Variants in ASIC2 observed in about 807,000 individuals in gnomAD.
ASIC2 encodes acid-sensing ion channel 2.
In ASIC2, 25 loss-of-function variants were observed where a neutral mutation model predicts 57.3. The observed-to-expected ratio is 0.44, with a 90% CI of 0.32 to 0.61. ASIC2 has a LOEUF of 0.61. ASIC2 is among the 20% of genes least tolerant of loss of function. ASIC2 has a pLI of 0.06. For synonymous variants in ASIC2, 319 were observed against 307.5 expected (o/e 1.04, Z -0.39); for missense variants, 641 against 738.1 (o/e 0.87, Z 1.52).
At chr17:34,117,555 A>G (rs1598035057) in intron 1 of ASIC2, among the ~76,000 whole-genome samples, 1 of 152,190 alleles carries the variant, frequency 6.6e-6, no homozygotes, top group East Asian at 1.9e-4. Flanking sequence ...GAGGTAACCT[A>G]GGGAACCTGG....
intron 1 of ASIC2, among the ~76,000 whole-genome samples, chr17:33,954,310 A>T (rs12951920): frequency 1.3e-5 from 2 of 151,792 alleles, no homozygotes; most frequent in Admixed American, 6.6e-5. Context: ...GGTATCTGTG[A>T]CCCAATCACC....
At chr17:33,661,888 A>G (rs1380133707) in intron 1 of ASIC2, among the ~76,000 whole-genome samples, 2 of 152,160 alleles carry the variant, frequency 1.3e-5, no homozygotes, top group African/African-American at 2.4e-5. Flanking sequence ...TTACCTTGGT[A>G]TCTATTCATC....
At chr17:33,247,882 T>C (rs570307830) in intron 1 of ASIC2, among the ~76,000 whole-genome samples, 55 of 152,376 alleles carry the variant, frequency 3.6e-4, no homozygotes, top group Non-Finnish European at 7.5e-4. Flanking sequence ...GACAGAGGTC[T>C]TTGTGTCTCA....
chr17:33,017,889 G>A lies in ASIC2; in HGVS notation c.1442-205C>T, dbSNP rs373262422. On this transcript the variant is annotated intron_variant, in intron 7 of 9. Coordinates refer to ENST00000225823, the MANE Select transcript of ASIC2 (RefSeq NM_183377.2). ...CCATTTTTCAGCATTCAGTGGGGTC[G>A]GGGACTAAGCTGATGGCTTATTGGA... 8.5e-5 allele frequency among the ~76,000 whole-genome samples: 13 copies of A among 152,320 alleles called. No individual in the cohort carries two copies. The East Asian group carries it at 9.7e-4, about 11-fold the overall frequency.
At chr17:33,740,458 A>G (rs959216445) in intron 1 of ASIC2, among the ~76,000 whole-genome samples, 1 of 152,194 alleles carries the variant, frequency 6.6e-6, no homozygotes, top group African/African-American at 2.4e-5. Flanking sequence ...CTCTTATAAA[A>G]CTGTCAGATC....
At chr17:33,316,186 T>C (rs1007716337) in intron 1 of ASIC2, among the ~76,000 whole-genome samples, 1 of 152,216 alleles carries the variant, frequency 6.6e-6, no homozygotes, top group African/African-American at 2.4e-5. Context: ...TATGTTTAGT[T>C]TCATACTCTC....
At chr17:33,876,771 C>G (rs444727) in intron 1 of ASIC2, among the ~76,000 whole-genome samples, 39,106 of 152,082 alleles carry the variant, frequency 0.26, 5,206 homozygotes, top group Middle Eastern at 0.37. Flanking sequence ...ATCTAAAGGA[C>G]AGATGATATC....
chr17:33,578,328 C>A (rs1056422104), intron 1 of ASIC2, among the ~76,000 whole-genome samples: 6 of 152,158 alleles, frequency 3.9e-5, no homozygotes, highest in Non-Finnish European at 4.4e-5. Context: ...GGTAGTAACT[C>A]AAGCTGACAT....
intron 1 of ASIC2, among the ~76,000 whole-genome samples, chr17:33,146,822 C>A (rs1904581603): frequency 2.0e-5 from 3 of 152,236 alleles, no homozygotes; most frequent in African/African-American, 7.2e-5. Flanking sequence ...CTAGAAGTTA[C>A]ATGATAAATG....
At chr17:33,212,510 G>A (rs955555789) in intron 1 of ASIC2, among the ~76,000 whole-genome samples, 1 of 152,180 alleles carries the variant, frequency 6.6e-6, no homozygotes, top group Non-Finnish European at 1.5e-5. Context: ...TCAGACTTCT[G>A]ACCTCCAGAA....
intron 1 of ASIC2, among the ~76,000 whole-genome samples, chr17:33,788,194 G>T (rs557560667): frequency 6.6e-6 from 1 of 151,794 alleles, no homozygotes; most frequent in African/African-American, 2.4e-5. Context: ...GAATTTAAAA[G>T]GAACATAAAC....
At chr17:33,778,021 C>T (rs370887976) in intron 1 of ASIC2, among the ~76,000 whole-genome samples, 1 of 152,142 alleles carries the variant, frequency 6.6e-6, no homozygotes, top group Non-Finnish European at 1.5e-5. Context: ...TGACCTTACT[C>T]GTGGGCCTTC....
chr17:33,745,170 C>A (rs989942001), intron 1 of ASIC2, among the ~76,000 whole-genome samples: 3 of 152,142 alleles, frequency 2.0e-5, no homozygotes, highest in African/African-American at 7.2e-5. Flanking sequence ...TTTCCCCTCC[C>A]ACCCCCAGTT....
chr17:34,105,995 C>T (rs1911037972), intron 1 of ASIC2, among the ~76,000 whole-genome samples: 1 of 151,876 alleles, frequency 6.6e-6, no homozygotes. Flanking sequence ...GTCTTTTTCT[C>T]CTGTAGCACA....
At chr17:33,138,814 T>C (rs2092376206) in intron 1 of ASIC2, among the ~76,000 whole-genome samples, 1 of 152,330 alleles carries the variant, frequency 6.6e-6, no homozygotes, top group South Asian at 2.1e-4. Flanking sequence ...TAATATACTA[T>C]CTTGAATTGA....
intron 1 of ASIC2, among the ~76,000 whole-genome samples, chr17:33,353,630 G>A (rs1344033029): frequency 6.6e-6 from 1 of 152,130 alleles, no homozygotes; most frequent in Non-Finnish European, 1.5e-5. Context: ...GAGCCACCAT[G>A]CCTAACCTTA....
intron 1 of ASIC2, among the ~76,000 whole-genome samples, chr17:34,059,543 G>T (rs1426328148): frequency 6.6e-6 from 1 of 152,194 alleles, no homozygotes; most frequent in African/African-American, 2.4e-5. Context: ...CATAGGCAAG[G>T]AAAGAAGTAA....
intron 1 of ASIC2, among the ~76,000 whole-genome samples, chr17:33,307,377 G>C (rs774278965): frequency 3.3e-5 from 5 of 151,364 alleles, no homozygotes; most frequent in African/African-American, 4.9e-5. Flanking sequence ...CATGATCTTG[G>C]CTCATCACTG....
intron 1 of ASIC2, among the ~76,000 whole-genome samples, chr17:33,522,868 C>T (rs567215017): frequency 1.1e-4 from 17 of 152,318 alleles, no homozygotes; most frequent in African/African-American, 3.8e-4. Context: ...AACTGCCTCC[C>T]GCTCTGCACC....
Sources: gnomAD v4.1 joint callset for allele counts (sites outside exome capture counted in the v4.1 genomes callset) on GRCh38, gnomAD v4.1.1 for gene constraint, MANE v1.5 for transcripts, NCBI Gene and HGNC (gene_info 2026-07-23, HGNC 2026-07-21) for gene names.